SUMF1: variants seen among roughly 807,000 people sequenced by gnomAD.
The protein encoded by SUMF1 is formylglycine-generating enzyme.
In SUMF1, 48 loss-of-function variants were observed where a neutral mutation model predicts 47.6. The ratio of observed to expected loss-of-function variants is 1.01; its 90% CI spans 0.80 to 1.28. The LOEUF (loss-of-function observed/expected upper bound fraction) is 1.28. SUMF1 is among the 50% of genes most tolerant of loss of function. The pLI is 0.00. For missense variants in SUMF1, 571 were observed against 485.4 expected (o/e 1.18, Z -1.66); for synonymous variants, 230 against 192.1 (o/e 1.20, Z -1.63).
intron 8 of SUMF1, among the ~76,000 whole-genome samples, chr3:4,363,450 G>A (rs913776796): frequency 1.3e-5 from 2 of 151,882 alleles, no homozygotes; most frequent in Non-Finnish European, 2.9e-5. Flanking sequence ...TCCCTTGTAA[G>A]GTGGATTCCT....
chr3:4,172,547 G>C (rs1694856562), intron 8 of SUMF1, among the ~76,000 whole-genome samples: 1 of 152,140 alleles, frequency 6.6e-6, no homozygotes, highest in South Asian at 2.1e-4. Context: ...CTGCTTTACA[G>C]ATGAGGAAAG....
chr3:4,392,615 G>GTGTGTATA (rs1433132957), intron 7 of SUMF1, among the ~76,000 whole-genome samples: 1 of 96,122 alleles, frequency 1.0e-5, no homozygotes, highest in African/African-American at 3.6e-5. Context: ...GTGTGTGTGT[G>GTGTGTATA]TATATATATA....
In SUMF1 at chr3:4,362,168, G is replaced by A. The variant is rs372359337; in HGVS notation, c.1101C>T (p.Ala367=). 1.5e-5 allele frequency: 25 copies of A among 1,614,026 alleles called. No individual in the cohort carries two copies. Among genetic ancestry groups the A allele is most frequent in the East Asian group, 8.9e-5 (4 of 44,880 alleles). ...GTCAGTCCATAGTGGGCAGGCGGTC[G>A]GCTGCACAGCGGAATCCCAGATTCG... ...SASNLGFRCA[A]DRLPTMD The change falls in exon 9 of 9, where the codon GCC becomes GCT. Residue 367 remains alanine, a synonymous_variant. Coordinates refer to ENST00000272902, the MANE Select transcript of SUMF1 (RefSeq NM_182760.4).
At position 4,154,074 on chromosome 3, in the gene SUMF1, G is replaced by C. The variant is rs1235254069; in HGVS notation, c.1015-85329C>G. On this transcript the variant is annotated intron_variant and NMD_transcript_variant, in intron 8 of 12. Transcript: ENST00000448413. Reference sequence around the variant, plus strand: ...ACATGGACTATGGCAGAATTAAATGGAATGGCATGGCACCAAACCTAGACT... The same window carrying C: ...ACATGGACTATGGCAGAATTAAATGCAATGGCATGGCACCAAACCTAGACT... 1.3e-5 allele frequency among the ~76,000 whole-genome samples: 2 copies of C among 151,474 alleles called. 1 individual carries two copies. Among genetic ancestry groups the C allele is most frequent in the African/African-American group, 4.9e-5 (2 of 40,806 alleles).
At chr3:4,208,469 C>CAAAA (rs775554036) in intron 8 of SUMF1, among the ~76,000 whole-genome samples, 17 of 132,730 alleles carry the variant, frequency 1.3e-4, no homozygotes, top group East Asian at 4.6e-4. Flanking sequence ...TTCTAGAAGG[C>CAAAA]AAAAAAAAAA....
intron 5 of SUMF1, among the ~76,000 whole-genome samples, chr3:4,417,488 A>G (rs1477006268): frequency 6.6e-6 from 1 of 152,218 alleles, no homozygotes; most frequent in East Asian, 1.9e-4. Flanking sequence ...ATAAATCACA[A>G]AACTAAAAGA....
At chr3:4,182,567 G>A (rs913023554) in intron 8 of SUMF1, among the ~76,000 whole-genome samples, 1 of 151,980 alleles carries the variant, frequency 6.6e-6, no homozygotes, top group Non-Finnish European at 1.5e-5. Context: ...CAAAGAGCTA[G>A]AATAGTTCAA....
At chr3:4,331,607 C>T (rs565532503) in intron 8 of SUMF1, among the ~76,000 whole-genome samples, 3 of 152,298 alleles carry the variant, frequency 2.0e-5, no homozygotes, top group Non-Finnish European at 4.4e-5. Flanking sequence ...GTGGGTGGAT[C>T]ACCTGAGGTC....
intron 9 of SUMF1, among the ~76,000 whole-genome samples, chr3:4,037,424 C>T (rs956901231): frequency 3.3e-5 from 5 of 152,168 alleles, no homozygotes; most frequent in East Asian, 1.9e-4. Flanking sequence ...GCCAATACAT[C>T]GGAATAAAAT....
At chr3:4,420,455 GT>G (rs1300740069) in intron 3 of SUMF1, among the ~76,000 whole-genome samples, 2 of 151,008 alleles carry the variant, frequency 1.3e-5, no homozygotes, top group East Asian at 3.9e-4. Flanking sequence ...GAGTGCAGGG[GT>G]TGCAATCTTG....
intron 8 of SUMF1, among the ~76,000 whole-genome samples, chr3:4,307,737 G>A (rs1335765497): frequency 6.6e-6 from 1 of 152,066 alleles, no homozygotes; most frequent in Non-Finnish European, 1.5e-5. Flanking sequence ...TAACAATGCA[G>A]GAAATTTAAA....
chr3:4,263,666 T>C (rs1185964623), intron 8 of SUMF1, among the ~76,000 whole-genome samples: 1 of 152,168 alleles, frequency 6.6e-6, no homozygotes, highest in Non-Finnish European at 1.5e-5. Flanking sequence ...AAAATCCTTC[T>C]CATCTTTAAA....
chr3:4,394,288 G>A (rs1470345179), intron 7 of SUMF1, among the ~76,000 whole-genome samples: 1 of 151,982 alleles, frequency 6.6e-6, no homozygotes. Flanking sequence ...TACCACCTCA[G>A]CTTCCTGAGT....
At chr3:4,188,049 C>T (rs75147954) in intron 8 of SUMF1, among the ~76,000 whole-genome samples, 1 of 152,036 alleles carries the variant, frequency 6.6e-6, no homozygotes, top group Non-Finnish European at 1.5e-5. Flanking sequence ...TTCTCATATA[C>T]CCCCTACACA....
chr3:4,274,851 C>G (rs1454800101), intron 8 of SUMF1, among the ~76,000 whole-genome samples: 3 of 152,160 alleles, frequency 2.0e-5, no homozygotes, highest in African/African-American at 4.8e-5. Context: ...TCTGCAGAAG[C>G]AGCTGTCAAG....
At chr3:4,375,647 T>C (rs1345229666) in intron 8 of SUMF1, among the ~76,000 whole-genome samples, 2 of 151,988 alleles carry the variant, frequency 1.3e-5, no homozygotes, top group African/African-American at 2.4e-5. Flanking sequence ...GCAATAACAA[T>C]CTGCAAAATG....
chr3:4,322,709 G>C (rs1296537327), intron 8 of SUMF1, among the ~76,000 whole-genome samples: 1 of 151,884 alleles, frequency 6.6e-6, no homozygotes, highest in African/African-American at 2.4e-5. Flanking sequence ...GCATTGACAA[G>C]GATGTGGAGA....
rs544716457 is a variant in SUMF1, at chr3:4,245,301, TGGA to T, written c.1014+131026_1014+131028del. ...TTGCTAGCGAGGAGTTGTATTCCTT[TGGA>T]GGAGAAGAGGCTTTCTGGTTTTTGA... is the stretch of plus-strand genomic sequence containing the variant. On this transcript the variant is annotated intron_variant and NMD_transcript_variant, in intron 8 of 12. Coordinates refer to the SUMF1 transcript ENST00000448413. Among the ~76,000 whole-genome samples the T allele has an allele frequency of 2.0e-3, 301 of 152,334 alleles. 1 individual carries two copies. The highest frequency in any genetic ancestry group is 6.9e-3 in the African/African-American group (288 of 41,576).
intron 8 of SUMF1, among the ~76,000 whole-genome samples, chr3:4,182,299 C>T (rs1222717350): frequency 6.6e-6 from 1 of 151,632 alleles, no homozygotes; most frequent in Non-Finnish European, 1.5e-5. Context: ...GTTAAAGCCC[C>T]TAGGTTATTC....
Sources: gnomAD v4.1 joint callset for allele counts (sites outside exome capture counted in the v4.1 genomes callset) on GRCh38, gnomAD v4.1.1 for gene constraint, MANE v1.5 for transcripts, NCBI Gene and HGNC (gene_info 2026-07-23, HGNC 2026-07-21) for gene names.